SAXO1: variants seen among roughly 807,000 people sequenced by gnomAD.
SAXO1 encodes 4930500O09Rik.
A neutral mutation model predicts 17.5 loss-of-function variants in SAXO1; 21 were observed. The ratio of observed to expected loss-of-function variants is 1.20; its 90% CI spans 0.85 to 1.72. The LOEUF (loss-of-function observed/expected upper bound fraction) is 1.72. Ranked by LOEUF, SAXO1 falls within the 40% of genes most tolerant of loss-of-function variation. The pLI, the probability that SAXO1 is intolerant of heterozygous loss-of-function variation, is 0.00. For synonymous variants in SAXO1, 274 were observed against 216.5 expected (o/e 1.27, Z -2.33); for missense variants, 843 against 596.0 (o/e 1.41, Z -4.32).
At chr9:18,999,259 G>C (rs1038967174) in intron 1 of SAXO1, among the ~76,000 whole-genome samples, 2 of 152,168 alleles carry the variant, frequency 1.3e-5, no homozygotes, top group Non-Finnish European at 2.9e-5. Flanking sequence ...GGATGGAGCC[G>C]TCTGGGATCT....
chr9:18,928,542 G>C lies in SAXO1; in HGVS notation c.935C>G (p.Thr312Arg), dbSNP rs115762023. 2 of 1,614,082 alleles carry C rather than the reference G, an allele frequency of 1.2e-6. No homozygotes were observed. Among genetic ancestry groups the C allele is most frequent in the Non-Finnish European group, 1.7e-6 (2 of 1,179,972 alleles). ...CTGAGCTGGGGCACCCTTAGGGCAT[G>C]TGTAATGGGCCTGCACTGTTGTCAG... ...DLLTTVQAHY[T>R]CPKGAPAQSC... The change falls in exon 4 of 4, where the codon ACA (threonine) becomes AGA (arginine). Residue 312 changes from threonine to arginine, a missense_variant. Thr to Arg is a moderately conservative substitution (Grantham distance 71). Coordinates refer to ENST00000380534, the MANE Select transcript of SAXO1 (RefSeq NM_153707.4).
At chr9:18,961,432 G>A (rs1398784384) in intron 1 of SAXO1, among the ~76,000 whole-genome samples, 1 of 152,126 alleles carries the variant, frequency 6.6e-6, no homozygotes, top group Non-Finnish European at 1.5e-5. Context: ...GTGGTTTGCT[G>A]TACCTATCAA....
rs117915008 is a variant in SAXO1, at chr9:18,928,831, C to T, written c.646G>A (p.Val216Met). The T allele has an allele frequency of 7.8e-5, 126 of 1,614,048 alleles. No individual in the cohort carries two copies. The Middle Eastern group carries it at 8.2e-4, about 11-fold the overall frequency. Residue 216 changes from valine to methionine, a missense_variant, in exon 4 of 4, where the codon GTG becomes ATG. Physicochemically the swap from Val to Met is conservative, Grantham distance 21. Coordinates refer to ENST00000380534, the MANE Select transcript of SAXO1 (RefSeq NM_153707.4). The part of the protein sequence containing the change: ...NYKMSYVAHP[V>M]EKRFVHEAEK... ...GCTTCATGCACAAAGCGCTTCTCCA[C>T]GGGGTGGGCCACATAGCTCATCTTG...
At chr9:18,953,379 T>G (rs1480709028) in intron 1 of SAXO1, among the ~76,000 whole-genome samples, 2 of 152,158 alleles carry the variant, frequency 1.3e-5, no homozygotes, top group Non-Finnish European at 2.9e-5. Context: ...AAAAATAAAT[T>G]TAATGGCAAT....
At chr9:18,977,120 G>C (rs1161262656) in intron 1 of SAXO1, among the ~76,000 whole-genome samples, 1 of 152,162 alleles carries the variant, frequency 6.6e-6, no homozygotes, top group Admixed American at 6.5e-5. Context: ...ATCCCGCTGT[G>C]GTTGCCTTCT....
intron 1 of SAXO1, among the ~76,000 whole-genome samples, chr9:18,959,324 G>A (rs1832386431): frequency 6.6e-6 from 1 of 152,088 alleles, no homozygotes; most frequent in African/African-American, 2.4e-5. Flanking sequence ...ATAATCGGTG[G>A]AAAAAGAGCC....
Position 18,927,707 on chromosome 9 carries a change from G to T in SAXO1, c.*345C>A. The T allele has an allele frequency of 9.8e-6, 2 of 203,468 alleles. No individual in the cohort carries two copies. Among genetic ancestry groups the T allele is most frequent in the South Asian group, 1.6e-4 (1 of 6,346 alleles). 12.6% of individuals were successfully genotyped at this position (203,468 alleles called of 1,614,324 possible). A position where few individuals can be genotyped will look rare whatever the true frequency, so the allele number is the denominator to read the frequency against. On this transcript the variant is annotated 3_prime_UTR_variant, in exon 4 of 4. Coordinates refer to ENST00000380534, the MANE Select transcript of SAXO1 (RefSeq NM_153707.4). ...TCTTTGGCGCTTCATACTTGGCAAGGGTTAATCATTATGTCAGTTCATACA... is the reference window on the plus strand; with the variant it reads ...TCTTTGGCGCTTCATACTTGGCAAGTGTTAATCATTATGTCAGTTCATACA...
intron 3 of SAXO1, among the ~76,000 whole-genome samples, chr9:18,940,614 C>G (rs959027341): frequency 6.6e-6 from 1 of 152,186 alleles, no homozygotes; most frequent in Non-Finnish European, 1.5e-5. Flanking sequence ...TTTAGAGGTC[C>G]GTGAACTGTT....
Position 18,964,247 on chromosome 9 carries a change from C to A in SAXO1, c.39-13310G>T, listed in dbSNP as rs572251240. Reference sequence around the variant, plus strand: ...CTGAAATTTTCTTTTTTTGTTGTGTCTCTGCCAGATTTTGGTATCGGGATG... The same window carrying A: ...CTGAAATTTTCTTTTTTTGTTGTGTATCTGCCAGATTTTGGTATCGGGATG... On this transcript the variant is annotated intron_variant, in intron 1 of 3. Transcript: ENST00000380534. 2.0e-5 allele frequency among the ~76,000 whole-genome samples: 3 copies of A among 152,198 alleles called. No individual in the cohort carries two copies. In the South Asian group the frequency reaches 6.2e-4, roughly 32 times the overall value.
At chr9:19,041,828 A>T (rs1836086292) in intron 1 of SAXO1, among the ~76,000 whole-genome samples, 2 of 152,194 alleles carry the variant, frequency 1.3e-5, no homozygotes, top group Non-Finnish European at 2.9e-5. Flanking sequence ...TAAGACCTCA[A>T]ACCATGAAAC....
chr9:18,968,715 T>C (rs1200851024), intron 1 of SAXO1, among the ~76,000 whole-genome samples: 7 of 152,008 alleles, frequency 4.6e-5, no homozygotes, highest in Admixed American at 3.9e-4. Context: ...TGCCTCAGCC[T>C]CTGGAGTAGC....
intron 1 of SAXO1, among the ~76,000 whole-genome samples, chr9:19,039,085 A>C (rs1381003022): frequency 1.3e-5 from 2 of 152,026 alleles, no homozygotes; most frequent in African/African-American, 4.8e-5. Flanking sequence ...TAAAGTGGTG[A>C]GATCACACCA....
At chr9:18,945,751 A>G (rs998592935) in intron 2 of SAXO1, among the ~76,000 whole-genome samples, 1 of 152,198 alleles carries the variant, frequency 6.6e-6, no homozygotes, top group East Asian at 1.9e-4. Flanking sequence ...TCACCACTTC[A>G]TATAAACCCT....
upstream of SAXO1, among the ~76,000 whole-genome samples, chr9:19,033,686 G>C (rs540163782): frequency 1.8e-4 from 27 of 152,356 alleles, no homozygotes; most frequent in Non-Finnish European, 1.5e-5. Context: ...CACTGCTCAG[G>C]TGGGTTCTCA....
At chr9:19,023,576 G>A (rs1430939404) in intron 1 of SAXO1, among the ~76,000 whole-genome samples, 1 of 152,244 alleles carries the variant, frequency 6.6e-6, no homozygotes, top group East Asian at 1.9e-4. Flanking sequence ...GTCTGCGCTT[G>A]GAACTGCAAT....
intron 1 of SAXO1, among the ~76,000 whole-genome samples, chr9:18,975,957 C>T (rs560535674): frequency 9.2e-5 from 14 of 152,290 alleles, no homozygotes; most frequent in African/African-American, 3.1e-4. Context: ...GTAACTACAG[C>T]AGTACTTTAG....
intron 3 of SAXO1, among the ~76,000 whole-genome samples, chr9:18,938,483 A>G (rs1005098869): frequency 6.6e-6 from 1 of 152,064 alleles, no homozygotes; most frequent in African/African-American, 2.4e-5. Flanking sequence ...AAACGCTTCT[A>G]AACAAGCAGA....
intron 1 of SAXO1, among the ~76,000 whole-genome samples, chr9:19,012,152 T>C (rs937920393): frequency 2.0e-5 from 3 of 152,040 alleles, no homozygotes; most frequent in African/African-American, 7.2e-5. Flanking sequence ...CAAGGATAGA[T>C]TTTTTTTAAT....
rs557422665 is a variant in SAXO1 at position 18,969,451 on chromosome 9, C to A, written c.39-18514G>T. Among the ~76,000 whole-genome samples the A allele has an allele frequency of 5.9e-5, 9 of 152,270 alleles. No individual in the cohort carries two copies. In the South Asian group the frequency reaches 1.9e-3, roughly 32 times the overall value. ...TTCCAAGGCTCTCTTCCAGGCACTGCAAAAAACACCCAAAGCCCCTCTAAT... is the reference window on the plus strand; with the variant it reads ...TTCCAAGGCTCTCTTCCAGGCACTGAAAAAAACACCCAAAGCCCCTCTAAT... On this transcript the variant is annotated intron_variant, in intron 1 of 3. Coordinates refer to ENST00000380534, the MANE Select transcript of SAXO1 (RefSeq NM_153707.4).
Sources: allele counts gnomAD v4.1 joint callset (sites outside exome capture counted in the v4.1 genomes callset), GRCh38; gene constraint gnomAD v4.1.1; transcripts MANE v1.5; gene names NCBI Gene and HGNC (gene_info 2026-07-23, HGNC 2026-07-21).